The following LYRM4 variants were observed in gnomAD, a reference collection of about 807,000 sequenced individuals.
The protein encoded by LYRM4 is LYR motif-containing protein 4.
LYRM4 carries 9 observed loss-of-function variants against 11.7 expected under a neutral mutation model. The observed-to-expected ratio is 0.77, with a 90% CI of 0.46 to 1.34. LYRM4 has a LOEUF of 1.34. LYRM4 is among the 40% of genes most tolerant of loss of function. LYRM4 has a pLI of 0.00. For missense variants in LYRM4, 133 were observed against 112.5 expected, an observed-to-expected ratio of 1.18 and a Z score of -0.82; for synonymous variants, 42 against 40.4, an observed-to-expected ratio of 1.04 and a Z score of -0.15.
At chr6:5,168,646 T>TGGGGCA (rs199702891) in intron 2 of LYRM4, among the ~76,000 whole-genome samples, 2,276 of 152,096 alleles carry the variant, frequency 0.015, 41 homozygotes, top group African/African-American at 0.046. Context: ...TGATCCTGGA[T>TGGGGCA]GGGGCAGGGG....
intron 2 of LYRM4, among the ~76,000 whole-genome samples, chr6:5,117,414 G>T (rs1763169035): frequency 1.3e-5 from 2 of 152,168 alleles, no homozygotes; most frequent in African/African-American, 4.8e-5. Flanking sequence ...GATTAGCTGG[G>T]TGTGATGGTG....
chr6:5,154,422 C>T (rs1186698758), intron 2 of LYRM4, among the ~76,000 whole-genome samples: 1 of 143,690 alleles, frequency 7.0e-6, no homozygotes, highest in Non-Finnish European at 1.5e-5. Context: ...TTGCAAAGGG[C>T]ATCACGTGCT....
At chr6:5,098,224 T>C in the LYRM4 span, among the ~76,000 whole-genome samples, 1 of 152,188 alleles carries the variant, frequency 6.6e-6, no homozygotes, top group South Asian at 2.1e-4. Flanking sequence ...TCCACACATG[T>C]AAGGAAATGG....
intron 2 of LYRM4, among the ~76,000 whole-genome samples, chr6:5,118,309 C>A (rs1763240574): frequency 6.6e-6 from 1 of 151,860 alleles, no homozygotes; most frequent in Admixed American, 6.6e-5. Context: ...TACAGATGGG[C>A]TTTCACCATG....
At chr6:5,079,613 A>T in the LYRM4 span, among the ~76,000 whole-genome samples, 29 of 152,372 alleles carry the variant, frequency 1.9e-4, no homozygotes, top group Non-Finnish European at 1.5e-4. Context: ...TGGAATCAGT[A>T]GCTGAGTGGT....
rs1366120623 is a variant in LYRM4 at position 5,120,993 on chromosome 6, C to T, written c.208-11502G>A. On this transcript the variant is annotated intron_variant, in intron 2 of 2. Transcript: ENST00000330636. The stretch of plus-strand genomic sequence containing the variant: ...GGGAGGTAGTTGGGGGGTGGGGGCA[C>T]GCATGTCATTGCTTCCTTGCTTCTG... Among the ~76,000 whole-genome samples the T allele has an allele frequency of 3.3e-5, 5 of 152,278 alleles. No homozygotes were observed. In the South Asian group the frequency reaches 1.0e-3, roughly 32 times the overall value.
At chr6:5,077,150 G>C in the LYRM4 span, among the ~76,000 whole-genome samples, 2 of 152,138 alleles carry the variant, frequency 1.3e-5, no homozygotes, top group African/African-American at 4.8e-5. Context: ...GCTGTGTGTG[G>C]GACAGTGGGG....
chr6:5,062,078 CTTCT>C, the LYRM4 span, among the ~76,000 whole-genome samples: 2 of 137,576 alleles, frequency 1.5e-5, no homozygotes, highest in Non-Finnish European at 3.1e-5. Context: ...CCCCTTCCTT[CTTCT>C]TTTTTTTTTT....
intron 1 of LYRM4, among the ~76,000 whole-genome samples, chr6:5,221,937 C>T (rs1340927901): frequency 6.6e-6 from 1 of 152,224 alleles, no homozygotes; most frequent in Non-Finnish European, 1.5e-5. Context: ...TTGGTTCAGG[C>T]TCTTCTCTCT....
intron 1 of LYRM4, among the ~76,000 whole-genome samples, chr6:5,256,215 C>T (rs557467406): frequency 6.6e-5 from 10 of 151,970 alleles, no homozygotes; most frequent in East Asian, 5.8e-4. Flanking sequence ...CTTGGCCAGG[C>T]GCGGTGGCTC....
chr6:5,168,192 C>A (rs570660092), intron 2 of LYRM4, among the ~76,000 whole-genome samples: 202 of 151,924 alleles, frequency 1.3e-3, no homozygotes, highest in African/African-American at 4.8e-3. Flanking sequence ...AGGCCAGCTA[C>A]GTACAAAATC....
At chr6:5,138,373 A>C (rs1179136411) in intron 2 of LYRM4, among the ~76,000 whole-genome samples, 1 of 150,988 alleles carries the variant, frequency 6.6e-6, no homozygotes, top group Non-Finnish European at 1.5e-5. Context: ...AGTCCCAACT[A>C]CTCGGGAGGC....
the LYRM4 span, among the ~76,000 whole-genome samples, chr6:5,052,269 C>G: frequency 6.6e-6 from 1 of 152,122 alleles, no homozygotes; most frequent in African/African-American, 2.4e-5. Flanking sequence ...TTTTTATTTT[C>G]TACATGATTC....
intron 1 of LYRM4, 46 bp downstream of exon 1, chr6:5,260,602 C>CCGGCCCCGG: frequency 4.2e-6 from 5 of 1,203,592 alleles, no homozygotes; most frequent in Non-Finnish European, 5.8e-6. Context: ...CCCCGGTCCC[C>CCGGCCCCGG]GGCCCCTGGC....
intron 2 of LYRM4, among the ~76,000 whole-genome samples, chr6:5,113,731 CTCTCTT>C (rs890098478): frequency 1.4e-4 from 8 of 57,952 alleles, no homozygotes; most frequent in South Asian, 7.8e-4. Flanking sequence ...TCTTTTCTCT[CTCTCTT>C]TTTTTTTTTT....
At chr6:5,187,035 A>G in intron 2 of LYRM4, 1 of 972,020 alleles carries the variant, frequency 1.0e-6, no homozygotes, top group Non-Finnish European at 1.2e-6. Flanking sequence ...GCCCCAAAAT[A>G]AATGACAAAC....
At chr6:5,058,994 ATC>A in the LYRM4 span, among the ~76,000 whole-genome samples, 3 of 152,086 alleles carry the variant, frequency 2.0e-5, no homozygotes, top group Non-Finnish European at 4.4e-5. Flanking sequence ...TGCTCTCCTA[ATC>A]TCTGTCTCCA....
chr6:5,202,374 A>C (rs1429340220), intron 2 of LYRM4, among the ~76,000 whole-genome samples: 1 of 152,190 alleles, frequency 6.6e-6, no homozygotes, highest in Admixed American at 6.5e-5. Flanking sequence ...CTCATTGTGC[A>C]GTATGTGGTT....
chr6:5,111,226 A>G (rs1762866325), intron 2 of LYRM4, among the ~76,000 whole-genome samples: 1 of 152,154 alleles, frequency 6.6e-6, no homozygotes, highest in African/African-American at 2.4e-5. Flanking sequence ...AAAAAAAGGG[A>G]ACCATTACTT....
Sources: allele counts gnomAD v4.1 joint callset (sites outside exome capture counted in the v4.1 genomes callset), GRCh38; gene constraint gnomAD v4.1.1; transcripts MANE v1.5; gene names NCBI Gene and HGNC (gene_info 2026-07-23, HGNC 2026-07-21).